Variants in PFKFB2 observed in about 807,000 individuals in gnomAD.
PFKFB2 encodes the protein 6-phosphofructo-2-kinase/fructose-2,6-biphosphatase 2.
A neutral mutation model predicts 68.0 loss-of-function variants in PFKFB2; 53 were observed. The observed-to-expected ratio is 0.78, with a 90% CI of 0.63 to 0.98. PFKFB2 has a LOEUF of 0.98. PFKFB2 is among the 50% of genes least tolerant of loss of function. The probability of loss-of-function intolerance (pLI) is 0.00; values close to 1 mark genes in which losing one functional copy is unlikely to be tolerated. For synonymous variants in PFKFB2, 222 were observed against 227.6 expected (o/e 0.98, Z 0.22); for missense variants, 451 against 642.0 (o/e 0.70, Z 3.22).
chr1:207,061,067 A>ATATATATCTT (rs1444828968), intron 2 of PFKFB2: 1 of 53,714 alleles, frequency 1.9e-5, no homozygotes, highest in African/African-American at 6.2e-5. Flanking sequence ...ATATATCTTT[A>ATATATATCTT]TATATATCTT....
intron 2 of PFKFB2, chr1:207,045,483 G>A (rs559443706): frequency 3.1e-4 from 47 of 152,268 alleles, no homozygotes; most frequent in African/African-American, 1.1e-3. Context: ...TCCCTAGAGG[G>A]CCAACATGTA....
upstream of PFKFB2, chr1:207,049,337 C>T (rs1264506167): frequency 6.2e-7 from 1 of 1,614,174 alleles, no homozygotes. Flanking sequence ...TCAATTCTTA[C>T]TGTCTGTGTA....
intron 1 of PFKFB2, among the ~76,000 whole-genome samples, chr1:207,039,898 T>C (rs1682445531): frequency 6.6e-6 from 1 of 151,978 alleles, no homozygotes; most frequent in Non-Finnish European, 1.5e-5. Context: ...GACATTTGTC[T>C]GTTCCAAAAT....
At chr1:207,058,147 T>G (rs959194784) in intron 2 of PFKFB2, among the ~76,000 whole-genome samples, 1 of 152,254 alleles carries the variant, frequency 6.6e-6, no homozygotes, top group Non-Finnish European at 1.5e-5. Context: ...GCTTTCTTAG[T>G]GTTTGACCGT....
intron 3 of PFKFB2, among the ~76,000 whole-genome samples, 167 bp downstream of exon 3, chr1:207,062,245 C>T (rs1407149858): frequency 2.0e-5 from 3 of 152,172 alleles, no homozygotes; most frequent in African/African-American, 7.2e-5. Context: ...CTTGTCTCCT[C>T]CTGGCGTGGG....
upstream of PFKFB2, chr1:207,052,224 T>TA (rs747517196): frequency 1.2e-6 from 2 of 1,612,656 alleles, no homozygotes; most frequent in South Asian, 2.2e-5. Flanking sequence ...AAATTATATG[T>TA]AATGTTTCCA....
chr1:207,078,150 C>G (rs1356933993), downstream of PFKFB2, among the ~76,000 whole-genome samples: 1 of 152,162 alleles, frequency 6.6e-6, no homozygotes, highest in African/African-American at 2.4e-5. Flanking sequence ...ATAAAGAAAA[C>G]TTTTGGAGAT....
intron 2 of PFKFB2, among the ~76,000 whole-genome samples, chr1:207,056,197 T>C (rs192759122): frequency 2.0e-5 from 3 of 152,278 alleles, no homozygotes; most frequent in Non-Finnish European, 2.9e-5. Flanking sequence ...TAATGTGTGT[T>C]ATTTTTCACA....
intron 2 of PFKFB2, chr1:207,043,880 A>T (rs1470679093): frequency 1.3e-5 from 2 of 152,634 alleles, no homozygotes; most frequent in Non-Finnish European, 2.9e-5. Flanking sequence ...CTTTGAAACA[A>T]GTCACTTAAT....
At position 207,067,787 on chromosome 1, in the gene PFKFB2, A is replaced by C. The variant is rs1683339092; in HGVS notation, c.840+81A>C. The C allele has an allele frequency of 1.4e-5, 16 of 1,166,862 alleles. No homozygotes were observed. The South Asian group carries it at 1.7e-4, about 13-fold the overall frequency. The allele number at this position is 1,166,862 out of a possible 1,614,324, so 72.3% of individuals were successfully genotyped here. ...CTGAGGTCATATATTTTATCTCCTT[A>C]CTTAAATCCCATTTGGACGTAGGCT... is the stretch of plus-strand genomic sequence containing the variant. On this transcript the variant is annotated intron_variant, in intron 9 of 14. Coordinates refer to ENST00000367080, the MANE Select transcript of PFKFB2 (RefSeq NM_006212.2).
At chr1:207,053,523 G>T (rs1314707476) in intron 1 of PFKFB2, among the ~76,000 whole-genome samples, 157 bp downstream of exon 1, 2 of 152,210 alleles carry the variant, frequency 1.3e-5, no homozygotes, top group African/African-American at 4.8e-5. Flanking sequence ...GTTTGGGTTG[G>T]AGGATTTGTG....
upstream of PFKFB2, chr1:207,049,488 A>G: frequency 6.2e-7 from 1 of 1,614,154 alleles, no homozygotes; most frequent in Non-Finnish European, 8.5e-7. Context: ...AGAAGTCTGG[A>G]TCGCTTGCTA....
chr1:207,063,276 A>T lies in PFKFB2; in HGVS notation c.375+67A>T. The T allele has an allele frequency of 6.3e-7, 1 of 1,579,860 alleles. No homozygotes were observed. The highest frequency in any genetic ancestry group is 1.3e-5 in the African/African-American group (1 of 74,226). On this transcript the variant is annotated intron_variant, in intron 5 of 14. Transcript: ENST00000367080. The surrounding 1 kb of genome is among the most constrained non-coding windows in gnomAD (Gnocchi z 4.1). ...TGCAGCAGCCTGGCTACCCAGCCCCACCTTGAGTCTGCCCTGGTGGGGTTC... is the reference window on the plus strand; with the variant it reads ...TGCAGCAGCCTGGCTACCCAGCCCCTCCTTGAGTCTGCCCTGGTGGGGTTC...
upstream of PFKFB2, chr1:207,050,936 C>A: frequency 1.9e-6 from 3 of 1,583,982 alleles, no homozygotes; most frequent in Non-Finnish European, 2.6e-6. Context: ...ACCCGCGGGG[C>A]CAGCTTTGGT....
downstream of PFKFB2, chr1:207,079,209 A>C (rs999575568): frequency 1.7e-6 from 1 of 605,196 alleles, no homozygotes; most frequent in African/African-American, 1.8e-5. Context: ...AGTTACACTG[A>C]AAAATTTAAC....
intron 1 of PFKFB2, 51 bp from the exon 2 acceptor site, chr1:207,054,650 A>T: frequency 7.8e-7 from 1 of 1,283,774 alleles, no homozygotes; most frequent in East Asian, 2.4e-5. Flanking sequence ...TTTTTAAGTT[A>T]TGTCTTCTTT....
In PFKFB2 at chr1:207,075,637, G is replaced by T; in HGVS notation, c.*3266G>T. The stretch of plus-strand genomic sequence containing the variant: ...AAAGACATTAGCATTTAATCTACTG[G>T]AATAAGCTGGTTGCTGTGGCTTATA... On this transcript the variant is annotated 3_prime_UTR_variant, in exon 15 of 15. Coordinates refer to ENST00000367080, the MANE Select transcript of PFKFB2 (RefSeq NM_006212.2). 1 of 984,938 alleles carries T rather than the reference G, an allele frequency of 1.0e-6. No individual in the cohort carries two copies. The highest frequency in any genetic ancestry group is 1.2e-6 in the Non-Finnish European group (1 of 829,504). 61.0% of individuals were successfully genotyped at this position (984,938 alleles called of 1,614,324 possible).
At chr1:207,067,766 G>T in intron 9 of PFKFB2, 60 bp downstream of exon 9, 1 of 1,344,844 alleles carries the variant, frequency 7.4e-7, no homozygotes, top group Non-Finnish European at 1.1e-6. Flanking sequence ...GCATGACTGA[G>T]GTCATATATT....
chr1:207,041,227 C>G (rs1682475562), intron 1 of PFKFB2, among the ~76,000 whole-genome samples: 1 of 151,708 alleles, frequency 6.6e-6, no homozygotes, highest in Non-Finnish European at 1.5e-5. Flanking sequence ...CGCGCCTGGC[C>G]AGATTTTTTT....
Sources: gnomAD v4.1 joint callset for allele counts (sites outside exome capture counted in the v4.1 genomes callset) on GRCh38, gnomAD v4.1.1 for gene constraint, Gnocchi (gnomAD v3.1) non-coding constraint, MANE v1.5 for transcripts, NCBI Gene and HGNC (gene_info 2026-07-23, HGNC 2026-07-21) for gene names.